The following ERGIC3 variants were observed in gnomAD, a reference collection of about 807,000 sequenced individuals.
ERGIC3 encodes the protein ERGIC and golgi 3.
Under a neutral mutation model 54.7 loss-of-function variants are expected in ERGIC3, and 33 were observed. That is an observed-to-expected ratio of 0.60 (90% confidence interval 0.46 to 0.81). The LOEUF is 0.81. Ranked by LOEUF, ERGIC3 falls within the 30% of genes least tolerant of loss-of-function variation. ERGIC3 has a pLI of 0.00. For synonymous variants in ERGIC3, 186 were observed against 189.8 expected, an observed-to-expected ratio of 0.98 and a Z score of 0.16; for missense variants, 399 against 488.4, an observed-to-expected ratio of 0.82 and a Z score of 1.73.
At chr20:35,556,939 C>G (rs770979943) in intron 10 of ERGIC3, 34 bp from the exon 11 acceptor site, 3 of 1,613,366 alleles carry the variant, frequency 1.9e-6, no homozygotes, top group African/African-American at 2.7e-5. Flanking sequence ...AGGTCCTAGC[C>G]CTAGCCCTGG....
At chr20:35,556,596 G>C (rs1038257852) in intron 10 of ERGIC3, 16 of 498,228 alleles carry the variant, frequency 3.2e-5, no homozygotes, top group Non-Finnish European at 5.5e-5. Context: ...CCGCTCCCAA[G>C]GCTGCCCTGG....
intron 7 of ERGIC3, among the ~76,000 whole-genome samples, chr20:35,552,404 AAG>A (rs2064686545): frequency 6.6e-6 from 1 of 152,192 alleles, no homozygotes; most frequent in African/African-American, 2.4e-5. Context: ...TGTGAATGCA[AAG>A]AGAGCGGTCA....
In ERGIC3 at chr20:35,542,584, G is replaced by T. The variant is rs144125357; in HGVS notation, c.231G>T (p.Pro77=). The T allele has an allele frequency of 1.1e-5, 17 of 1,613,806 alleles. No homozygotes were observed. The highest frequency in any genetic ancestry group is 1.7e-5 in the Admixed American group (1 of 59,996). Residue 77 remains proline, a synonymous_variant, in exon 3 of 13, where the codon CCG becomes CCT. Coordinates refer to ENST00000348547, the MANE Select transcript of ERGIC3 (RefSeq NM_015966.3). The part of the protein sequence containing the change: ...KLKINIDVLF[P]HMPCAYLSID... The stretch of plus-strand genomic sequence containing the variant: ...AGATCAACATCGATGTACTTTTTCC[G>T]CACATGCCTTGTGCCTGTGAGTACC...
At chr20:35,555,148 G>A (rs2064704160) in intron 8 of ERGIC3, 73 bp downstream of exon 8, 1 of 1,549,788 alleles carries the variant, frequency 6.5e-7, no homozygotes, top group Non-Finnish European at 8.9e-7. Flanking sequence ...TTTCCTTGTA[G>A]GAACATCCTG....
chr20:35,550,018 T>G (rs1202697044), intron 7 of ERGIC3, among the ~76,000 whole-genome samples: 1 of 151,134 alleles, frequency 6.6e-6, no homozygotes, highest in African/African-American at 2.4e-5. Context: ...ATATGGTATA[T>G]CAGATGCTGT....
At position 35,548,454 on chromosome 20, in the gene ERGIC3, C is replaced by T. The variant is rs1750622468; in HGVS notation, c.462-55C>T. 9 of 1,580,302 alleles carry T rather than the reference C, an allele frequency of 5.7e-6. No homozygotes were observed. The East Asian group carries it at 2.0e-4, about 35-fold the overall frequency. ...TGCTCGGGCTCTATTTCCCCAGATG[C>T]CAGCACTGGACTTATGCCTCTTTAA... is the stretch of plus-strand genomic sequence containing the variant. On this transcript the variant is annotated intron_variant, in intron 5 of 12. Coordinates refer to ENST00000348547, the MANE Select transcript of ERGIC3 (RefSeq NM_015966.3).
At chr20:35,549,104 A>C in intron 7 of ERGIC3, 1 of 626,970 alleles carries the variant, frequency 1.6e-6, no homozygotes, top group Non-Finnish European at 3.0e-6. Flanking sequence ...AAGGTTTCTT[A>C]ATCTTTTTGA....
At chr20:35,556,940 C>G (rs774398430) in intron 10 of ERGIC3, 33 bp from the exon 11 acceptor site, 2 of 1,613,518 alleles carry the variant, frequency 1.2e-6, no homozygotes, top group East Asian at 4.5e-5. Flanking sequence ...GGTCCTAGCC[C>G]TAGCCCTGGC....
chr20:35,545,986 T>G (rs548826802), intron 4 of ERGIC3, among the ~76,000 whole-genome samples: 1 of 152,194 alleles, frequency 6.6e-6, no homozygotes, highest in African/African-American at 2.4e-5. Context: ...TCTCCAATAT[T>G]TAAAAGTCAG....
chr20:35,557,572 C>A lies in ERGIC3; in HGVS notation c.*68C>A. On this transcript the variant is annotated 3_prime_UTR_variant, in exon 13 of 13. Transcript: ENST00000348547. The stretch of plus-strand genomic sequence containing the variant: ...GTGGTTGTCCCCCAGCCTCTGCCAC[C>A]CTCCACCTCCTCGGTCAGCCCCAGC... 7.5e-7 allele frequency: 1 copy of A among 1,340,292 alleles called. No individual in the cohort carries two copies. The highest frequency in any genetic ancestry group is 1.1e-6 in the Non-Finnish European group (1 of 934,788). The allele number at this position is 1,340,292 out of a possible 1,614,324, so 83.0% of individuals were successfully genotyped here. A position where few individuals can be genotyped will look rare whatever the true frequency, so the allele number is the denominator to read the frequency against.
chr20:35,543,265 T>G, intron 4 of ERGIC3: 1 of 349,780 alleles, frequency 2.9e-6, no homozygotes. Context: ...CAGGCTTCTT[T>G]GAGTGTTTGC....
intron 4 of ERGIC3, among the ~76,000 whole-genome samples, chr20:35,546,300 A>G (rs1206417018): frequency 6.6e-6 from 1 of 152,222 alleles, no homozygotes; most frequent in Non-Finnish European, 1.5e-5. Flanking sequence ...GAGCTGAGAA[A>G]TGGAGTGGGA....
At chr20:35,554,983 G>A in intron 7 of ERGIC3, 61 bp from the exon 8 acceptor site, 3 of 1,592,170 alleles carry the variant, frequency 1.9e-6, no homozygotes, top group Non-Finnish European at 2.6e-6. Flanking sequence ...GGAGGAAGGA[G>A]GAGGCCAGTG....
At chr20:35,543,672 A>G (rs1427533890) in intron 4 of ERGIC3, 3 of 471,018 alleles carry the variant, frequency 6.4e-6, no homozygotes, top group Non-Finnish European at 4.4e-6. Flanking sequence ...TTAATGCAGG[A>G]CACCAGTGGA....
At chr20:35,555,919 C>A in intron 8 of ERGIC3, 114 bp from the exon 9 acceptor site, 2 of 896,172 alleles carry the variant, frequency 2.2e-6, no homozygotes, top group Non-Finnish European at 3.4e-6. Flanking sequence ...GGGAGGTTGT[C>A]CCCTTAGGAC....
intron 4 of ERGIC3, chr20:35,543,435 A>G (rs1254821872): frequency 5.6e-6 from 2 of 355,732 alleles, no homozygotes; most frequent in East Asian, 1.5e-4. Context: ...GTAATAAAAC[A>G]GTAGTACCAA....
chr20:35,556,654 G>A (rs1386024389), intron 10 of ERGIC3: 12 of 505,540 alleles, frequency 2.4e-5, no homozygotes, highest in Non-Finnish European at 3.6e-6. Context: ...AGGGGCTGAG[G>A]GCAGAGGAAG....
chr20:35,543,134 G>A (rs189796898), intron 4 of ERGIC3, 193 bp downstream of exon 4: 7 of 629,564 alleles, frequency 1.1e-5, no homozygotes, highest in African/African-American at 1.1e-4. Flanking sequence ...TATCGAGTCA[G>A]GTAATCTACC....
At chr20:35,556,369 G>A (rs532572871) in intron 10 of ERGIC3, 98 bp downstream of exon 10, 452 of 1,277,930 alleles carry the variant, frequency 3.5e-4, no homozygotes, top group East Asian at 7.9e-4. Context: ...AAGCTGCCTC[G>A]TCCTCACATG....
Sources: gnomAD v4.1 joint callset for allele counts (sites outside exome capture counted in the v4.1 genomes callset) on GRCh38, gnomAD v4.1.1 for gene constraint, MANE v1.5 for transcripts, NCBI Gene and HGNC (gene_info 2026-07-23, HGNC 2026-07-21) for gene names.